The following NWD2 variants were observed in gnomAD, a reference collection of about 807,000 sequenced individuals.
NWD2 encodes the protein NACHT and WD repeat domain containing 2.
NWD2 carries 37 observed loss-of-function variants against 132.7 expected under a neutral mutation model. That is an observed-to-expected ratio of 0.28 (90% CI 0.21 to 0.37). The LOEUF is 0.37. NWD2 is among the 10% of genes least tolerant of loss of function. NWD2 has a pLI of 1.00. For synonymous variants in NWD2, 705 were observed against 803.0 expected (o/e 0.88, Z 2.06); for missense variants, 1,592 against 2,122.4 (o/e 0.75, Z 4.91).
At chr4:37,391,778 CCCA>C (rs1720683359) in intron 3 of NWD2, among the ~76,000 whole-genome samples, 1 of 152,200 alleles carries the variant, frequency 6.6e-6, no homozygotes, top group Admixed American at 6.5e-5. Context: ...CCCATCGGCC[CCCA>C]CAAGTCCTGT....
chr4:37,302,328 A>G (rs937560614), intron 1 of NWD2, among the ~76,000 whole-genome samples: 2 of 149,744 alleles, frequency 1.3e-5, no homozygotes, highest in Admixed American at 6.7e-5. Context: ...TCTATTGAGT[A>G]TATTTACCAT....
At position 37,446,195 on chromosome 4, in the gene NWD2, C is replaced by A. The variant is rs1712629363; in HGVS notation, c.4207C>A (p.Leu1403Met). The change falls in exon 7 of 7, where the codon CTG (leucine) becomes ATG (methionine). Residue 1403 changes from leucine to methionine, a missense_variant. Leu to Met is a conservative substitution (Grantham distance 15, BLOSUM62 2). Coordinates refer to ENST00000309447, the MANE Select transcript of NWD2 (RefSeq NM_001144990.2). This position sits in a 1 kb window ranked among gnomAD's most constrained non-coding sequence, Gnocchi z 6.7. ...FRINGQRISQ[L>M]LITHNDQFVV... ...AATTAACGGGCAGAGAATATCTCAGCTGCTGATTACACACAATGACCAGTT... is the reference window on the plus strand; with the variant it reads ...AATTAACGGGCAGAGAATATCTCAGATGCTGATTACACACAATGACCAGTT... The A allele has an allele frequency of 6.4e-7, 1 of 1,551,690 alleles. No homozygotes were observed. Among genetic ancestry groups the A allele is most frequent in the Non-Finnish European group, 8.7e-7 (1 of 1,147,004 alleles).
At chr4:37,260,882 T>TA (rs1391916146) in intron 1 of NWD2, among the ~76,000 whole-genome samples, 1 of 152,202 alleles carries the variant, frequency 6.6e-6, no homozygotes, top group Non-Finnish European at 1.5e-5. Flanking sequence ...TGTAGCCACA[T>TA]ACAACACATG....
rs774971223 is a variant in NWD2, at chr4:37,445,884, C to A, written c.3896C>A (p.Ser1299Tyr). 2 of 1,551,716 alleles carry A rather than the reference C, an allele frequency of 1.3e-6. No homozygotes were observed. The highest frequency in any genetic ancestry group is 2.7e-5 in the African/African-American group (2 of 73,004). Residue 1299 changes from serine to tyrosine, a missense_variant, in exon 7 of 7, where the codon TCC becomes TAC. Around this residue, in one of 7 missense-constraint regions of NWD2, gnomAD observed 1,071 missense variants for 1,398.0 expected, o/e 0.77. Coordinates refer to ENST00000309447, the MANE Select transcript of NWD2 (RefSeq NM_001144990.2). The surrounding 1 kb of genome is among the most constrained non-coding windows in gnomAD (Gnocchi z 4.7). ...TCTTTATCAACCAGTGGTGTTCTTT[C>A]CATTTGGGACATAGATATAATCACA... Reference protein sequence around the residue: ...LLSLSTSGVLSIWDIDIITAM... With the variant: ...LLSLSTSGVLYIWDIDIITAM...
chr4:37,300,702 T>C (rs1455170855), intron 1 of NWD2, among the ~76,000 whole-genome samples: 1 of 152,074 alleles, frequency 6.6e-6, no homozygotes, highest in Non-Finnish European at 1.5e-5. Flanking sequence ...GTAACATTAA[T>C]ATCTAGTTGA....
intron 1 of NWD2, 98 bp from the exon 2 acceptor site, chr4:37,325,838 T>G: frequency 1.5e-6 from 1 of 677,422 alleles, no homozygotes; most frequent in South Asian, 1.9e-5. Flanking sequence ...TCAACTTGAT[T>G]GTATTACTGT....
intron 2 of NWD2, among the ~76,000 whole-genome samples, chr4:37,330,555 C>T (rs1719271531): frequency 6.6e-6 from 1 of 152,182 alleles, no homozygotes; most frequent in Admixed American, 6.5e-5. Context: ...TTCTCCATCC[C>T]CATTGCCGAG....
intron 3 of NWD2, among the ~76,000 whole-genome samples, chr4:37,385,064 AAAACTT>A (rs1051327045): frequency 1.1e-4 from 16 of 152,200 alleles, no homozygotes; most frequent in Admixed American, 9.2e-4. Flanking sequence ...AATTTAAAAT[AAAACTT>A]AAAAAGCCAG....
intron 1 of NWD2, among the ~76,000 whole-genome samples, chr4:37,299,886 C>G (rs1718578064): frequency 1.3e-5 from 2 of 151,976 alleles, no homozygotes; most frequent in Admixed American, 1.3e-4. Flanking sequence ...CTGTTAAACC[C>G]CCAAATTTTC....
rs757902890 is a variant in NWD2, at chr4:37,443,638, T to C, written c.1650T>C (p.His550=). The C allele has an allele frequency of 2.6e-6, 4 of 1,552,000 alleles. No homozygotes were observed. The highest frequency in any genetic ancestry group is 1.2e-5 in the South Asian group (1 of 84,044). Residue 550 remains histidine, a synonymous_variant, in exon 7 of 7, where the codon CAT becomes CAC. Coordinates refer to ENST00000309447, the MANE Select transcript of NWD2 (RefSeq NM_001144990.2). This position sits in a 1 kb window ranked among gnomAD's most constrained non-coding sequence, Gnocchi z 4.1. ...RIVLSTLPNK[H]GILQKLRCLI... Reference sequence around the variant, plus strand: ...TCCTTTCCACGCTGCCCAACAAACATGGGATCTTGCAGAAACTAAGGTGCC... The same window carrying C: ...TCCTTTCCACGCTGCCCAACAAACACGGGATCTTGCAGAAACTAAGGTGCC...
chr4:37,320,721 TTAAC>T (rs1377067762), intron 1 of NWD2, among the ~76,000 whole-genome samples: 1 of 152,078 alleles, frequency 6.6e-6, no homozygotes, highest in African/African-American at 2.4e-5. Flanking sequence ...ATATGAATCA[TTAAC>T]TAAGAGGCTA....
intron 4 of NWD2, 48 bp downstream of exon 4, chr4:37,430,823 T>C: frequency 6.8e-7 from 1 of 1,477,902 alleles, no homozygotes; most frequent in Non-Finnish European, 9.2e-7. Context: ...TTACTACATT[T>C]GTTACCATTT....
chr4:37,420,851 C>T (rs535712739), intron 3 of NWD2, among the ~76,000 whole-genome samples: 1 of 152,260 alleles, frequency 6.6e-6, no homozygotes, highest in East Asian at 1.9e-4. Context: ...GAGTTGATCA[C>T]CCTAAAAGGT....
At chr4:37,422,973 G>T (rs988549279) in intron 3 of NWD2, among the ~76,000 whole-genome samples, 3 of 148,018 alleles carry the variant, frequency 2.0e-5, no homozygotes, top group African/African-American at 7.4e-5. Flanking sequence ...TGTACACATT[G>T]TAGGAAATTG....
At chr4:37,392,673 G>A (rs903461839) in intron 3 of NWD2, among the ~76,000 whole-genome samples, 1 of 152,194 alleles carries the variant, frequency 6.6e-6, no homozygotes, top group Non-Finnish European at 1.5e-5. Context: ...ACCAGCAGTG[G>A]ACCTCACTGA....
chr4:37,382,336 C>G (rs1720469563), intron 3 of NWD2, among the ~76,000 whole-genome samples: 1 of 152,142 alleles, frequency 6.6e-6, no homozygotes, highest in South Asian at 2.1e-4. Flanking sequence ...CACCTGCACT[C>G]CAGTGAACCT....
chr4:37,405,145 A>T (rs1486267143), intron 3 of NWD2, among the ~76,000 whole-genome samples: 6 of 152,232 alleles, frequency 3.9e-5, no homozygotes, highest in Non-Finnish European at 7.3e-5. Context: ...CTGTAGTTCA[A>T]ATCAATGTCA....
rs73132384 is a variant in NWD2, at chr4:37,398,713, A to T, written c.358-31859A>T. Among the ~76,000 whole-genome samples the T allele has an allele frequency of 3.1e-3, 465 of 152,324 alleles. 5 individuals carry two copies. Among genetic ancestry groups the T allele is most frequent in the African/African-American group, 0.011 (447 of 41,576 alleles). On this transcript the variant is annotated intron_variant, in intron 3 of 6. Transcript: ENST00000309447. Reference sequence around the variant, plus strand: ...ATGTGCTTTGCAAGTATTCGTGACTAAACAGGGTTATATTTTTTTAACTCA... The same window carrying T: ...ATGTGCTTTGCAAGTATTCGTGACTTAACAGGGTTATATTTTTTTAACTCA...
At chr4:37,415,188 G>A (rs192348409) in intron 3 of NWD2, among the ~76,000 whole-genome samples, 23 of 152,298 alleles carry the variant, frequency 1.5e-4, no homozygotes, top group African/African-American at 4.8e-4. Flanking sequence ...CGCATGTATG[G>A]GAGAAATAGC....
Sources: allele counts gnomAD v4.1 joint callset (sites outside exome capture counted in the v4.1 genomes callset), GRCh38; gene constraint gnomAD v4.1.1; regional missense constraint gnomAD v4.1.1; non-coding constraint Gnocchi (gnomAD v3.1); transcripts MANE v1.5; gene names NCBI Gene and HGNC (gene_info 2026-07-23, HGNC 2026-07-21).